The following TAOK1 variants were observed in gnomAD, a reference collection of about 807,000 sequenced individuals.
TAOK1 encodes TAO kinase 1.
A neutral mutation model predicts 138.3 loss-of-function variants in TAOK1; 21 were observed. That is an observed-to-expected ratio of 0.15 (90% CI 0.11 to 0.22). The LOEUF (loss-of-function observed/expected upper bound fraction) is 0.22. Ranked by LOEUF, TAOK1 falls within the 10% of genes least tolerant of loss-of-function variation. The pLI is 1.00. For synonymous variants in TAOK1, 361 were observed against 398.4 expected (o/e 0.91, Z 1.12); for missense variants, 651 against 1,227.7 (o/e 0.53, Z 7.02).
chr17:29,417,006 T>G (rs1043742738), intron 1 of TAOK1, among the ~76,000 whole-genome samples: 5 of 149,138 alleles, frequency 3.4e-5, no homozygotes, highest in African/African-American at 9.7e-5. Flanking sequence ...AGTTTACCAG[T>G]TTTTTTTTTT....
In TAOK1 at chr17:29,493,118, C is replaced by T. The variant is rs117173045; in HGVS notation, c.831+1253C>T. 2.8e-3 allele frequency among the ~76,000 whole-genome samples: 422 copies of T among 151,610 alleles called. 9 individuals carry two copies. The East Asian group carries it at 0.055, about 20-fold the overall frequency. ...TCGTGCCACTGTACTCTAGCCTGGG[C>T]GATAGAGTGAGACTGTGTCTCCAAA... is the stretch of plus-strand genomic sequence containing the variant. On this transcript the variant is annotated intron_variant, in intron 10 of 19. Transcript: ENST00000261716.
At position 29,541,112 on chromosome 17, in the gene TAOK1, T is replaced by A. The variant is rs2032307845; in HGVS notation, c.2545-1449T>A. ...ATGAAAAAAATTTTTGTTTTGTTTATTTGTTTGTTTGTTTTGAGATGGAGT... is the reference window on the plus strand; with the variant it reads ...ATGAAAAAAATTTTTGTTTTGTTTAATTGTTTGTTTGTTTTGAGATGGAGT... On this transcript the variant is annotated intron_variant, in intron 19 of 19. Transcript: ENST00000261716. Among the ~76,000 whole-genome samples, 2 of 152,192 alleles carry A rather than the reference T, an allele frequency of 1.3e-5. 1 individual carries two copies. Among genetic ancestry groups the A allele is most frequent in the Middle Eastern group, 6.8e-3 (2 of 294 alleles).
At chr17:29,513,383 A>G (rs1406600993) in intron 15 of TAOK1, 1 of 152,192 alleles carries the variant, frequency 6.6e-6, no homozygotes, top group Non-Finnish European at 1.5e-5. Flanking sequence ...ACAATAGTAA[A>G]TAGAGTTTCC....
chr17:29,392,735 A>G (rs1222830494), intron 1 of TAOK1, among the ~76,000 whole-genome samples: 1 of 152,218 alleles, frequency 6.6e-6, no homozygotes, highest in East Asian at 1.9e-4. Flanking sequence ...GTGTACAGAT[A>G]ATGAGTTGTC....
intron 19 of TAOK1, among the ~76,000 whole-genome samples, chr17:29,541,648 T>C (rs2032318911): frequency 6.6e-6 from 1 of 150,452 alleles, no homozygotes; most frequent in Non-Finnish European, 1.5e-5. Flanking sequence ...TGGTAGCACA[T>C]GCCTGTAATC....
In TAOK1 at chr17:29,489,789, G is replaced by A. The variant is rs1431877391; in HGVS notation, c.749+32G>A. The A allele has an allele frequency of 2.8e-6, 4 of 1,436,664 alleles. No homozygotes were observed. In the Admixed American group the frequency reaches 9.2e-5, roughly 33 times the overall value. 89.0% of individuals were successfully genotyped at this position (1,436,664 alleles called of 1,614,324 possible). ...ATTGTTAATATATATATTGCTCAGT[G>A]TTGAATAAATGAAATGCTTTTTCAT... On this transcript the variant is annotated intron_variant, in intron 9 of 19. Transcript: ENST00000261716.
intron 19 of TAOK1, among the ~76,000 whole-genome samples, chr17:29,537,666 T>A (rs1374434774): frequency 6.6e-6 from 1 of 151,994 alleles, no homozygotes; most frequent in Admixed American, 6.6e-5. Context: ...GTTGTATATT[T>A]AGCCTTGTAA....
At chr17:29,528,839 C>CAAAAA (rs58073512) in intron 17 of TAOK1, among the ~76,000 whole-genome samples, 48 of 69,416 alleles carry the variant, frequency 6.9e-4, no homozygotes, top group Admixed American at 1.3e-3. Context: ...GACTCCGTCT[C>CAAAAA]AAAAAAAAAA....
chr17:29,455,822 TTCA>T (rs1479344263), intron 2 of TAOK1, among the ~76,000 whole-genome samples: 1 of 150,390 alleles, frequency 6.6e-6, no homozygotes, highest in African/African-American at 2.5e-5. Flanking sequence ...TAAATCAAAC[TTCA>T]TCACGGTTTG....
chr17:29,408,250 G>T (rs1333973897), intron 1 of TAOK1, among the ~76,000 whole-genome samples: 14 of 143,588 alleles, frequency 9.8e-5, no homozygotes, highest in Admixed American at 9.1e-4. Flanking sequence ...TGAGACACAG[G>T]ATCTTGCTGT....
chr17:29,527,534 C>A (rs770531346), intron 17 of TAOK1, among the ~76,000 whole-genome samples: 19 of 152,136 alleles, frequency 1.2e-4, no homozygotes, highest in Non-Finnish European at 2.4e-4. Flanking sequence ...CATTTCTTGA[C>A]CCCTCACAAA....
At chr17:29,399,975 T>C (rs1197124240) in intron 1 of TAOK1, among the ~76,000 whole-genome samples, 1 of 152,170 alleles carries the variant, frequency 6.6e-6, no homozygotes, top group African/African-American at 2.4e-5. Flanking sequence ...TAAGTGATCC[T>C]TCTGCCTTGT....
At chr17:29,402,005 A>G (rs1173207005) in intron 1 of TAOK1, among the ~76,000 whole-genome samples, 1 of 152,106 alleles carries the variant, frequency 6.6e-6, no homozygotes, top group Non-Finnish European at 1.5e-5. Flanking sequence ...TCTCTGAAGT[A>G]TGCTTGTTTT....
At chr17:29,417,529 T>C (rs373117522) in intron 1 of TAOK1, among the ~76,000 whole-genome samples, 1 of 152,218 alleles carries the variant, frequency 6.6e-6, no homozygotes. Context: ...AAAGATGTTA[T>C]AGTAGGGAAT....
At chr17:29,416,763 G>A (rs1472062399) in intron 1 of TAOK1, among the ~76,000 whole-genome samples, 1 of 152,050 alleles carries the variant, frequency 6.6e-6, no homozygotes, top group Non-Finnish European at 1.5e-5. Flanking sequence ...ACCGTAGAGA[G>A]GCAAAATTTG....
chr17:29,419,741 A>G (rs893895763), intron 1 of TAOK1, among the ~76,000 whole-genome samples: 1 of 150,768 alleles, frequency 6.6e-6, no homozygotes, highest in African/African-American at 2.4e-5. Flanking sequence ...CGATCCTCCC[A>G]CTTCAGCCTC....
At chr17:29,491,999 C>T (rs759467864) in intron 10 of TAOK1, 134 bp downstream of exon 10, 4 of 605,168 alleles carry the variant, frequency 6.6e-6, no homozygotes, top group Admixed American at 2.7e-5. Flanking sequence ...ATCCTCCCAC[C>T]TCAGCCTCCC....
intron 1 of TAOK1, among the ~76,000 whole-genome samples, chr17:29,436,043 T>C (rs1441538625): frequency 1.3e-5 from 2 of 152,158 alleles, no homozygotes; most frequent in African/African-American, 2.4e-5. Flanking sequence ...GGCAAGGGAA[T>C]CGGTTGAACC....
At chr17:29,511,229 T>C (rs2031714053) in intron 15 of TAOK1, 1 of 207,268 alleles carries the variant, frequency 4.8e-6, no homozygotes, top group African/African-American at 2.3e-5. Context: ...GTTTTTATTT[T>C]ATATTTATTT....
Sources: gnomAD v4.1 joint callset for allele counts (sites outside exome capture counted in the v4.1 genomes callset) on GRCh38, gnomAD v4.1.1 for gene constraint, MANE v1.5 for transcripts, NCBI Gene and HGNC (gene_info 2026-07-23, HGNC 2026-07-21) for gene names.